SCAI: variants seen among roughly 807,000 people sequenced by gnomAD.
The protein encoded by SCAI is suppressor of cancer cell invasion, also known as protein SCAI.
In SCAI, 24 loss-of-function variants were observed where a neutral mutation model predicts 92.2. That is an observed-to-expected ratio of 0.26 (90% CI 0.19 to 0.37). SCAI has a LOEUF of 0.37. SCAI is among the 10% of genes least tolerant of loss of function. The probability of loss-of-function intolerance (pLI) is 1.00; values close to 1 mark genes in which losing one functional copy is unlikely to be tolerated. For synonymous variants in SCAI, 261 were observed against 258.6 expected, an observed-to-expected ratio of 1.01 and a Z score of -0.09; for missense variants, 450 against 736.2, an observed-to-expected ratio of 0.61 and a Z score of 4.50.
chr9:125,090,218 T>G (rs2131194383), intron 2 of SCAI, among the ~76,000 whole-genome samples: 1 of 152,308 alleles, frequency 6.6e-6, no homozygotes, highest in Non-Finnish European at 1.5e-5. Flanking sequence ...AAATATCTGC[T>G]AGATAAGTTA....
chr9:125,048,010 C>T (rs928740560), intron 3 of SCAI, among the ~76,000 whole-genome samples: 1 of 151,860 alleles, frequency 6.6e-6, no homozygotes, highest in Non-Finnish European at 1.5e-5. Flanking sequence ...TGGAATTTCA[C>T]TCTTGTTGCC....
At chr9:125,018,422 G>A (rs534188468) in intron 9 of SCAI, among the ~76,000 whole-genome samples, 1 of 152,214 alleles carries the variant, frequency 6.6e-6, no homozygotes, top group Admixed American at 6.5e-5. Context: ...TTAGAATGTT[G>A]TAAAAAATAA....
intron 2 of SCAI, among the ~76,000 whole-genome samples, chr9:125,135,538 A>C (rs1210729174): frequency 6.6e-6 from 1 of 152,204 alleles, no homozygotes; most frequent in African/African-American, 2.4e-5. Context: ...CTGTAATCTC[A>C]GGTATTCAGG....
intron 2 of SCAI, among the ~76,000 whole-genome samples, chr9:125,078,722 C>A (rs1173238759): frequency 6.6e-6 from 1 of 151,984 alleles, no homozygotes; most frequent in African/African-American, 2.4e-5. Flanking sequence ...TTGAGACCAG[C>A]CTGGGAAACA....
intron 2 of SCAI, among the ~76,000 whole-genome samples, chr9:125,141,792 T>C (rs921990828): frequency 2.6e-5 from 4 of 151,484 alleles, no homozygotes; most frequent in Non-Finnish European, 4.4e-5. Flanking sequence ...ATATTTGGCC[T>C]CTCTGTGTCG....
chr9:124,988,935 C>T (rs1270844220), intron 14 of SCAI, among the ~76,000 whole-genome samples: 1 of 151,852 alleles, frequency 6.6e-6, no homozygotes, highest in Non-Finnish European at 1.5e-5. Context: ...GTCAGGAGTT[C>T]GAGAACAGCC....
chr9:125,013,526 T>G (rs1308576551), intron 9 of SCAI, among the ~76,000 whole-genome samples: 1 of 152,186 alleles, frequency 6.6e-6, no homozygotes, highest in East Asian at 1.9e-4. Flanking sequence ...TCTGAAATTG[T>G]GGCAATAATC....
intron 11 of SCAI, among the ~76,000 whole-genome samples, chr9:125,002,488 G>GTTTTTTTTTTTT (rs58586769): frequency 3.2e-5 from 4 of 125,102 alleles, no homozygotes; most frequent in Non-Finnish European, 4.8e-5. Flanking sequence ...TTTTTAGTCT[G>GTTTTTTTTTTTT]TTTTTTTTTT....
intron 3 of SCAI, among the ~76,000 whole-genome samples, chr9:125,054,121 C>T (rs1429712693): frequency 6.6e-6 from 1 of 152,062 alleles, no homozygotes; most frequent in Non-Finnish European, 1.5e-5. Flanking sequence ...ACTTGAGGCA[C>T]TCACCACCAT....
At chr9:125,136,032 C>T (rs1201589226) in intron 2 of SCAI, among the ~76,000 whole-genome samples, 2 of 149,888 alleles carry the variant, frequency 1.3e-5, no homozygotes, top group African/African-American at 4.9e-5. Flanking sequence ...AAATGTACTA[C>T]ATATGTAATA....
In SCAI at chr9:124,971,756, G is replaced by A. The variant is rs367896184; in HGVS notation, c.1488C>T (p.Arg496=). The change falls in exon 16 of 18, where the codon CGC becomes CGT. Residue 496 remains arginine (R), a synonymous_variant. Transcript: ENST00000336505. Reference sequence around the variant, plus strand: ...CTTGACACTTTTCCCATAGGCCTCTGCGCATGCTTGACAATCCAGAGACAA... The same window carrying A: ...CTTGACACTTTTCCCATAGGCCTCTACGCATGCTTGACAATCCAGAGACAA... ...FLFVSGLSSM[R]RGLWEKCQEY... The A allele has an allele frequency of 1.0e-4, 166 of 1,612,494 alleles. No individual in the cohort carries two copies. The highest frequency in any genetic ancestry group is 3.3e-4 in the Middle Eastern group (2 of 6,082).
At chr9:125,044,694 C>T (rs1833399512) in intron 3 of SCAI, among the ~76,000 whole-genome samples, 1 of 152,194 alleles carries the variant, frequency 6.6e-6, no homozygotes, top group African/African-American at 2.4e-5. Flanking sequence ...CTGAAACATG[C>T]CCCCTTGCTC....
chr9:125,034,635 G>C (rs1253450955), intron 3 of SCAI, among the ~76,000 whole-genome samples: 1 of 152,178 alleles, frequency 6.6e-6, no homozygotes, highest in Non-Finnish European at 1.5e-5. Context: ...TGTAGTCCCA[G>C]CTATTCAGGA....
At chr9:125,055,780 T>C (rs993369204) in intron 3 of SCAI, 96 bp downstream of exon 3, 3 of 902,794 alleles carry the variant, frequency 3.3e-6, no homozygotes, top group South Asian at 4.0e-5. Flanking sequence ...TTATATGACA[T>C]TCTACCCATA....
intron 2 of SCAI, among the ~76,000 whole-genome samples, chr9:125,079,959 C>T (rs555697289): frequency 3.2e-4 from 48 of 152,116 alleles, no homozygotes; most frequent in Non-Finnish European, 5.3e-4. Context: ...AACAAGATGC[C>T]ATGTGAATTC....
At chr9:124,955,355 A>C (rs1167914188) in intron 17 of SCAI, among the ~76,000 whole-genome samples, 1 of 152,056 alleles carries the variant, frequency 6.6e-6, no homozygotes, top group African/African-American at 2.4e-5. Flanking sequence ...TCTTGAGCCC[A>C]GGAGTTCCAG....
intron 17 of SCAI, among the ~76,000 whole-genome samples, chr9:124,964,697 G>A (rs1053006180): frequency 1.3e-5 from 2 of 152,170 alleles, no homozygotes; most frequent in African/African-American, 4.8e-5. Flanking sequence ...GGACAGCCAC[G>A]GCATTGCCAA....
intron 17 of SCAI, among the ~76,000 whole-genome samples, chr9:124,957,879 T>C (rs1831354186): frequency 6.6e-6 from 1 of 151,422 alleles, no homozygotes; most frequent in African/African-American, 2.4e-5. Context: ...GATATGGTTT[T>C]GCCTTGTTGG....
At position 125,011,557 on chromosome 9, in the gene SCAI, T is replaced by C. The variant is rs529826302; in HGVS notation, c.861+7242A>G. On this transcript the variant is annotated intron_variant, in intron 9 of 17. Transcript: ENST00000336505. ...GTGAAAAGACCAAATCTACGTCTGA[T>C]TGGTGTACCTGAAAGTGACAGGGAG... is the stretch of plus-strand genomic sequence containing the variant. Among the ~76,000 whole-genome samples, 26 of 152,346 alleles carry C rather than the reference T, an allele frequency of 1.7e-4. No homozygotes were observed. In the East Asian group the frequency reaches 4.0e-3, roughly 24 times the overall value.
Sources: allele counts gnomAD v4.1 joint callset (sites outside exome capture counted in the v4.1 genomes callset), GRCh38; gene constraint gnomAD v4.1.1; transcripts MANE v1.5; gene names NCBI Gene and HGNC (gene_info 2026-07-23, HGNC 2026-07-21).